MCM5: variants seen among roughly 807,000 people sequenced by gnomAD.
MCM5 encodes DNA replication licensing factor MCM5.
MCM5 carries 46 observed loss-of-function variants against 79.9 expected under a neutral mutation model. That is an observed-to-expected ratio of 0.58 (90% CI 0.45 to 0.74). The LOEUF (loss-of-function observed/expected upper bound fraction) is 0.74. Among genes scored for constraint, MCM5 ranks in the 30% least tolerant of loss-of-function variants. MCM5 has a pLI of 0.00. For missense variants in MCM5, 883 were observed against 1,017.0 expected, an observed-to-expected ratio of 0.87 and a Z score of 1.79; for synonymous variants, 404 against 390.5, an observed-to-expected ratio of 1.03 and a Z score of -0.41.
intron 2 of MCM5, chr22:35,401,596 T>C (rs1279868974): frequency 2.1e-6 from 1 of 470,730 alleles, no homozygotes; most frequent in Non-Finnish European, 4.4e-6. Flanking sequence ...GACTTCCAGG[T>C]GTCAGTGTCT....
intron 1 of MCM5, 110 bp from the exon 2 acceptor site, chr22:35,400,321 G>A: frequency 2.4e-6 from 3 of 1,227,200 alleles, no homozygotes; most frequent in Non-Finnish European, 3.6e-6. Flanking sequence ...GTCCGGGAGC[G>A]CGGCCGGGGG....
intron 7 of MCM5, chr22:35,411,625 C>T (rs1323952250): frequency 6.6e-6 from 1 of 152,290 alleles, no homozygotes; most frequent in African/African-American, 2.4e-5. Context: ...TGAGGGTTTT[C>T]AGGTTTGTTT....
intron 9 of MCM5, among the ~76,000 whole-genome samples, chr22:35,414,494 C>T (rs764749403): frequency 6.6e-6 from 1 of 152,050 alleles, no homozygotes; most frequent in South Asian, 2.1e-4. Context: ...TGATATGCAC[C>T]TGTGGTCCCA....
chr22:35,414,283 G>A (rs373094482), intron 9 of MCM5, among the ~76,000 whole-genome samples: 5 of 152,118 alleles, frequency 3.3e-5, no homozygotes, highest in East Asian at 1.9e-4. Context: ...CTCCCTGAGC[G>A]TCAGTTTATC....
chr22:35,417,945 A>G (rs570657331), intron 13 of MCM5, 89 bp downstream of exon 13: 4 of 853,388 alleles, frequency 4.7e-6, no homozygotes, highest in East Asian at 2.5e-5. Context: ...GCTCCTCCTC[A>G]TGAAGAACAG....
At chr22:35,403,570 TGGTGCAGAG>T (rs778205494) in intron 4 of MCM5, 28 bp downstream of exon 4, 16 of 1,609,264 alleles carry the variant, frequency 9.9e-6, no homozygotes, top group Non-Finnish European at 1.2e-5. Flanking sequence ...GGCTGCTGCA[TGGTGCAGAG>T]GGCTTTGGAT....
intron 6 of MCM5, 122 bp from the exon 7 acceptor site, chr22:35,410,622 G>A (rs755091766): frequency 4.4e-6 from 4 of 913,328 alleles, no homozygotes; most frequent in South Asian, 4.0e-5. Context: ...AGCTCAGCAT[G>A]TGGTGCCTGT....
rs4645740 is a variant in MCM5, at chr22:35,401,716, AGACGT to A, written c.167+1113_167+1117del. On this transcript the variant is annotated intron_variant, in intron 2 of 16. Coordinates refer to ENST00000216122, the MANE Select transcript of MCM5 (RefSeq NM_006739.4). The stretch of plus-strand genomic sequence containing the variant: ...CAGGCACTGCGCTACAAAGATGAAA[AGACGT>A]GCTTCTTGTCCTAGAGAAGCTCCTA... 3,241 of 471,100 alleles carry A rather than the reference AGACGT, an allele frequency of 6.9e-3. 110 individuals carry two copies. Among genetic ancestry groups the A allele is most frequent in the African/African-American group, 0.059 (2,949 of 50,188 alleles). 29.2% of individuals were successfully genotyped at this position (471,100 alleles called of 1,614,324 possible).
chr22:35,414,976 G>A (rs1198846339), intron 9 of MCM5, among the ~76,000 whole-genome samples: 1 of 152,166 alleles, frequency 6.6e-6, no homozygotes, highest in East Asian at 1.9e-4. Context: ...TAGGAAGTGT[G>A]CCAAATTTGC....
intron 6 of MCM5, chr22:35,410,508 C>T: frequency 2.0e-6 from 1 of 497,936 alleles, no homozygotes; most frequent in Admixed American, 3.1e-5. Flanking sequence ...ACCTGCCTTT[C>T]TGTTTGGCTG....
intron 6 of MCM5, among the ~76,000 whole-genome samples, chr22:35,409,015 T>C (rs961402976): frequency 6.6e-6 from 1 of 151,396 alleles, no homozygotes; most frequent in Non-Finnish European, 1.5e-5. Flanking sequence ...CAGGCTGGAG[T>C]GCAGTGGCGC....
intron 2 of MCM5, 35 bp downstream of exon 2, chr22:35,400,640 AGT>A: frequency 6.5e-7 from 1 of 1,548,582 alleles, no homozygotes; most frequent in Non-Finnish European, 8.7e-7. Flanking sequence ...CTCGAGTTCC[AGT>A]GTGGCCGCTC....
At chr22:35,431,780 G>C in the MCM5 span, among the ~76,000 whole-genome samples, 2 of 152,190 alleles carry the variant, frequency 1.3e-5, no homozygotes, top group Non-Finnish European at 2.9e-5. Flanking sequence ...CTCCTTTAGA[G>C]TTGAAGGGGC....
the MCM5 span, among the ~76,000 whole-genome samples, chr22:35,449,210 G>T: frequency 6.6e-6 from 1 of 152,176 alleles, no homozygotes; most frequent in African/African-American, 2.4e-5. Flanking sequence ...TCTCTGAGCC[G>T]CTGTCACTCA....
In MCM5 at chr22:35,406,694, G is replaced by A. The variant is rs779395034; in HGVS notation, c.565G>A (p.Glu189Lys). Residue 189 changes from glutamate to lysine, a missense_variant, in exon 5 of 17, where the codon GAG becomes AAG. Around this residue, in one of 3 missense-constraint regions of MCM5, gnomAD observed 455 missense variants for 517.5 expected, o/e 0.88. Coordinates refer to ENST00000216122, the MANE Select transcript of MCM5 (RefSeq NM_006739.4). Reference protein sequence around the residue: ...LTNIAMRPGLEGYALPRKCNT... With the variant: ...LTNIAMRPGLKGYALPRKCNT... ...CAACATTGCCATGCGCCCTGGCCTC[G>A]AGGGCTATGCCCTGCCCAGGAAGTG... is the stretch of plus-strand genomic sequence containing the variant. 29 of 1,609,882 alleles carry A rather than the reference G, an allele frequency of 1.8e-5. No homozygotes were observed. The highest frequency in any genetic ancestry group is 1.7e-4 in the Middle Eastern group (1 of 6,022).
chr22:35,431,653 C>A, the MCM5 span, among the ~76,000 whole-genome samples: 1 of 152,098 alleles, frequency 6.6e-6, no homozygotes. Flanking sequence ...GTCTCTGGAA[C>A]CCATCAGCTT....
rs1405395718 is a variant in MCM5, at chr22:35,401,410, A to C, written c.167+805A>C. ...TGATTGAGCACCTGCTGCCTGCCAG[A>C]TACTGTTCTGGGTGCTGGGCTGCAG... is the stretch of plus-strand genomic sequence containing the variant. On this transcript the variant is annotated intron_variant, in intron 2 of 16. Coordinates refer to ENST00000216122, the MANE Select transcript of MCM5 (RefSeq NM_006739.4). The C allele has an allele frequency of 1.9e-5, 9 of 471,168 alleles. No individual in the cohort carries two copies. In the Admixed American group the frequency reaches 2.1e-4, roughly 11 times the overall value. 29.2% of individuals were successfully genotyped at this position (471,168 alleles called of 1,614,324 possible). A position where few individuals can be genotyped will look rare whatever the true frequency, so the allele number is the denominator to read the frequency against.
chr22:35,412,482 C>A, intron 7 of MCM5, 28 bp from the exon 8 acceptor site: 1 of 1,496,684 alleles, frequency 6.7e-7, no homozygotes, highest in South Asian at 1.4e-5. Flanking sequence ...CCCTTGTACT[C>A]ACTCATGCGC....
chr22:35,419,829 G>T, intron 13 of MCM5, 55 bp from the exon 14 acceptor site: 1 of 1,533,324 alleles, frequency 6.5e-7, no homozygotes, highest in East Asian at 2.4e-5. Flanking sequence ...GGAAAGGGTA[G>T]GTGCCCTAAG....
Sources: allele counts gnomAD v4.1 joint callset (sites outside exome capture counted in the v4.1 genomes callset), GRCh38; gene constraint gnomAD v4.1.1; regional missense constraint gnomAD v4.1.1; transcripts MANE v1.5; gene names NCBI Gene and HGNC (gene_info 2026-07-23, HGNC 2026-07-21).